FAM193A: variants seen among roughly 807,000 people sequenced by gnomAD.
FAM193A encodes the protein protein FAM193A.
FAM193A carries 22 observed loss-of-function variants against 126.5 expected under a neutral mutation model. The observed-to-expected ratio is 0.17, with a 90% CI of 0.12 to 0.25. The LOEUF is 0.25. Among genes scored for constraint, FAM193A ranks in the 10% least tolerant of loss-of-function variants. The pLI is 1.00. For synonymous variants in FAM193A, 761 were observed against 646.8 expected, an observed-to-expected ratio of 1.18 and a Z score of -2.68; for missense variants, 1,675 against 1,672.8, an observed-to-expected ratio of 1.00 and a Z score of -0.02.
intron 2 of FAM193A, among the ~76,000 whole-genome samples, chr4:2,604,506 T>C (rs1042584901): frequency 1.3e-5 from 2 of 152,226 alleles, no homozygotes; most frequent in Non-Finnish European, 2.9e-5. Flanking sequence ...TCAAGAGTGC[T>C]GGGTAGAATA....
chr4:2,663,279 A>G lies in FAM193A; in HGVS notation c.2070A>G (p.Pro690=). Reference sequence around the variant, plus strand: ...CAGACAGTCCACCCCCATCCTACCCAACACAGCAGGTAGGACTTTGCTTGC... The same window carrying G: ...CAGACAGTCCACCCCCATCCTACCCGACACAGCAGGTAGGACTTTGCTTGC... The part of the protein sequence containing the change: ...SKADSPPPSY[P]TQQAEQAPNT... Residue 690 remains proline (P), a synonymous_variant, in exon 12 of 21, where the codon CCA becomes CCG. Coordinates refer to ENST00000637812, the MANE Select transcript of FAM193A (RefSeq NM_001366318.2). The G allele has an allele frequency of 6.3e-7, 1 of 1,580,946 alleles. No homozygotes were observed. The highest frequency in any genetic ancestry group is 8.6e-7 in the Non-Finnish European group (1 of 1,166,746).
At chr4:2,545,888 G>A (rs527478406) in intron 1 of FAM193A, among the ~76,000 whole-genome samples, 15 of 152,240 alleles carry the variant, frequency 9.9e-5, no homozygotes, top group East Asian at 3.9e-4. Context: ...GGTGGCTCAC[G>A]CCTGTTATCC....
rs1720219525 is a variant in FAM193A, at chr4:2,721,997, T to C, written c.4454+5893T>C. 2.0e-5 allele frequency among the ~76,000 whole-genome samples: 3 copies of C among 152,334 alleles called. No individual in the cohort carries two copies. The South Asian group carries it at 6.2e-4, about 32-fold the overall frequency. On this transcript the variant is annotated intron_variant, in intron 20 of 20. Transcript: ENST00000637812. ...TACATACAGTGCAGTTCCCTCGATA[T>C]GAGGCCACACAGCACAACCATACTA... is the stretch of plus-strand genomic sequence containing the variant.
chr4:2,536,338 G>A (rs1039197401), upstream of FAM193A, among the ~76,000 whole-genome samples: 4 of 151,658 alleles, frequency 2.6e-5, no homozygotes, highest in African/African-American at 9.7e-5. Flanking sequence ...CGACGAGCGA[G>A]GCGGTGACAT....
chr4:2,576,855 C>A (rs762792119), intron 1 of FAM193A, among the ~76,000 whole-genome samples: 1 of 152,164 alleles, frequency 6.6e-6, no homozygotes, highest in Non-Finnish European at 1.5e-5. Flanking sequence ...AGGCCTTGTT[C>A]AGCACTTTGG....
At chr4:2,559,173 C>G (rs1374649612) in intron 1 of FAM193A, among the ~76,000 whole-genome samples, 1 of 152,198 alleles carries the variant, frequency 6.6e-6, no homozygotes, top group Non-Finnish European at 1.5e-5. Flanking sequence ...GATGTCCACA[C>G]CTGTATTCCA....
intron 12 of FAM193A, among the ~76,000 whole-genome samples, chr4:2,669,138 T>C (rs1364420330): frequency 6.6e-6 from 1 of 152,198 alleles, no homozygotes; most frequent in Non-Finnish European, 1.5e-5. Flanking sequence ...CTACCACGCC[T>C]GGCCTGTATT....
intron 7 of FAM193A, chr4:2,655,092 C>T: frequency 1.4e-6 from 1 of 700,948 alleles, no homozygotes. Context: ...AGCATTGATA[C>T]TGGCACCCTT....
At chr4:2,607,285 G>A (rs921222964) in intron 2 of FAM193A, among the ~76,000 whole-genome samples, 1 of 152,176 alleles carries the variant, frequency 6.6e-6, no homozygotes, top group African/African-American at 2.4e-5. Context: ...GTGTGGCAGT[G>A]AAGAATGCAG....
intron 12 of FAM193A, among the ~76,000 whole-genome samples, chr4:2,665,831 T>G (rs976894385): frequency 1.3e-5 from 2 of 152,182 alleles, no homozygotes; most frequent in Non-Finnish European, 1.5e-5. Flanking sequence ...CCAGTCTGGA[T>G]GCTTTTAATT....
Position 2,696,386 on chromosome 4 carries a change from A to G in FAM193A, c.3300A>G (p.Arg1100=). The change falls in exon 18 of 21, where the codon AGA becomes AGG. Residue 1100 remains arginine, a synonymous_variant. Coordinates refer to ENST00000637812, the MANE Select transcript of FAM193A (RefSeq NM_001366318.2). ...HGGPPAAPTS[R]NYAEMREKLR... ...AGCCTCCAGCTGCACCAACAAGTAG[A>G]AATTATGCAGAAATGAGGGAAAAGC... 6.2e-7 allele frequency: 1 copy of G among 1,613,704 alleles called. No individual in the cohort carries two copies. Among genetic ancestry groups the G allele is most frequent in the Non-Finnish European group, 8.5e-7 (1 of 1,179,676 alleles).
chr4:2,709,831 C>T (rs1175559600), intron 19 of FAM193A, among the ~76,000 whole-genome samples: 2 of 152,130 alleles, frequency 1.3e-5, no homozygotes, highest in Non-Finnish European at 2.9e-5. Context: ...TTTGCAAGCC[C>T]CCTGGACCTG....
Position 2,700,267 on chromosome 4 carries a change from C to G in FAM193A, c.4095C>G (p.Ser1365=), listed in dbSNP as rs772032560. 2 of 1,613,954 alleles carry G rather than the reference C, an allele frequency of 1.2e-6. No individual in the cohort carries two copies. The highest frequency in any genetic ancestry group is 1.7e-6 in the Non-Finnish European group (2 of 1,180,034). Residue 1365 remains serine, a synonymous_variant, in exon 19 of 21, where the codon TCC becomes TCG. Transcript: ENST00000637812. ...CCCCCAAGGCCACAGAGGGGCAGTCCAAGCCCCGGGCCCAGACTGAGTCAA... is the reference window on the plus strand; with the variant it reads ...CCCCCAAGGCCACAGAGGGGCAGTCGAAGCCCCGGGCCCAGACTGAGTCAA... ...TEPPKATEGQ[S]KPRAQTESKA...
In FAM193A at chr4:2,606,855, A is replaced by G. The variant is rs186764683; in HGVS notation, c.501+10526A>G. 3.9e-4 allele frequency among the ~76,000 whole-genome samples: 60 copies of G among 152,350 alleles called. 2 individuals carry two copies. In the East Asian group the frequency reaches 7.1e-3, roughly 18 times the overall value. ...ACAGTGGCAGGTGAAAGTTTTCCAG[A>G]GTTCTAATTTTTGCTCAGAAAAATT... On this transcript the variant is annotated intron_variant, in intron 2 of 20. Transcript: ENST00000637812.
intron 1 of FAM193A, among the ~76,000 whole-genome samples, chr4:2,539,182 G>T: frequency 6.6e-6 from 1 of 152,112 alleles, no homozygotes; most frequent in East Asian, 1.9e-4. Context: ...GTGAGCCACC[G>T]TGCCCAGCCC....
chr4:2,649,614 G>A (rs1490022167), intron 7 of FAM193A, among the ~76,000 whole-genome samples: 4 of 152,110 alleles, frequency 2.6e-5, no homozygotes, highest in African/African-American at 9.7e-5. Context: ...TGAGGCTGTG[G>A]TGAGCTATGA....
intron 13 of FAM193A, among the ~76,000 whole-genome samples, chr4:2,673,985 T>C (rs1181448778): frequency 6.6e-6 from 1 of 152,196 alleles, no homozygotes; most frequent in Non-Finnish European, 1.5e-5. Flanking sequence ...TGTTAAACTT[T>C]AATCATATAG....
At chr4:2,648,155 C>T (rs1745329474) in intron 7 of FAM193A, among the ~76,000 whole-genome samples, 1 of 152,222 alleles carries the variant, frequency 6.6e-6, no homozygotes, top group African/African-American at 2.4e-5. Context: ...TCCCAAAGTA[C>T]TGGGATTACA....
At chr4:2,715,417 C>A in intron 19 of FAM193A, 1 of 770,942 alleles carries the variant, frequency 1.3e-6, no homozygotes, top group Non-Finnish European at 1.6e-6. Context: ...GAGCCGAGAT[C>A]ATGCCTGGGT....
Sources: gnomAD v4.1 joint callset for allele counts (sites outside exome capture counted in the v4.1 genomes callset) on GRCh38, gnomAD v4.1.1 for gene constraint, MANE v1.5 for transcripts, NCBI Gene and HGNC (gene_info 2026-07-23, HGNC 2026-07-21) for gene names.